The following PRRC2C variants were observed in gnomAD, a reference collection of about 807,000 sequenced individuals.
PRRC2C encodes the protein proline rich coiled-coil 2C, also known as protein PRRC2C.
PRRC2C carries 72 observed loss-of-function variants against 317.2 expected under a neutral mutation model. The observed-to-expected ratio is 0.23, with a 90% CI of 0.19 to 0.28. The LOEUF (loss-of-function observed/expected upper bound fraction) is 0.28, where lower values mean the gene tolerates loss of function less well. Among genes scored for constraint, PRRC2C ranks in the 10% least tolerant of loss-of-function variants. The probability of loss-of-function intolerance (pLI) is 1.00; values close to 1 mark genes in which losing one functional copy is unlikely to be tolerated. For synonymous variants in PRRC2C, 1,296 were observed against 1,205.9 expected (o/e 1.07, Z -1.55); for missense variants, 3,074 against 3,459.7 (o/e 0.89, Z 2.80).
chr1:171,562,022 C>T (rs1310027172), intron 20 of PRRC2C, among the ~76,000 whole-genome samples: 3 of 152,132 alleles, frequency 2.0e-5, no homozygotes, highest in East Asian at 3.9e-4. Flanking sequence ...ACATCGTGAT[C>T]AGCACTGTGG....
At chr1:171,565,231 T>C (rs960515222) in intron 20 of PRRC2C, among the ~76,000 whole-genome samples, 1 of 152,200 alleles carries the variant, frequency 6.6e-6, no homozygotes, top group Admixed American at 6.5e-5. Flanking sequence ...CTCTTTCCAC[T>C]GATCTTGTCT....
At position 171,536,195 on chromosome 1, in the gene PRRC2C, C is replaced by A; in HGVS notation, c.2210C>A (p.Pro737Gln). Residue 737 changes from proline to glutamine, a missense_variant, in exon 14 of 35, where the codon CCA becomes CAA. Coordinates refer to ENST00000647382, the MANE Select transcript of PRRC2C (RefSeq NM_001387844.1). ...PQHLASMGFD[P>Q]RWLMMQSYMD... ...CATTTGGCTTCTATGGGTTTTGATC[C>A]AAGGTGGCTCATGATGCAGTCCTAC... 6.2e-7 allele frequency: 1 copy of A among 1,613,254 alleles called. No homozygotes were observed. The highest frequency in any genetic ancestry group is 1.1e-5 in the South Asian group (1 of 90,832).
chr1:171,511,405 ACTT>A (rs1353469127), intron 1 of PRRC2C: 1 of 152,214 alleles, frequency 6.6e-6, no homozygotes, highest in Admixed American at 6.5e-5. Flanking sequence ...ATTTCTAACA[ACTT>A]CTCATATGTA....
intron 17 of PRRC2C, 128 bp downstream of exon 17, chr1:171,545,815 A>C (rs1034570780): frequency 3.4e-6 from 2 of 589,242 alleles, no homozygotes; most frequent in African/African-American, 4.0e-5. Flanking sequence ...TTGGACATTC[A>C]AGGTATACAT....
chr1:171,589,742 TC>T (rs1650936057), intron 34 of PRRC2C, 137 bp downstream of exon 34: 1 of 437,020 alleles, frequency 2.3e-6, no homozygotes, highest in Non-Finnish European at 3.6e-6. Flanking sequence ...TTTTATTCAT[TC>T]CCCCTTTTTT....
At chr1:171,562,946 G>A (rs532670158) in intron 20 of PRRC2C, among the ~76,000 whole-genome samples, 1 of 152,302 alleles carries the variant, frequency 6.6e-6, no homozygotes, top group South Asian at 2.1e-4. Flanking sequence ...GAGAAGCTAA[G>A]TGATTAGAGA....
intron 2 of PRRC2C, chr1:171,512,470 A>G (rs1345331192): frequency 5.7e-6 from 2 of 351,330 alleles, no homozygotes; most frequent in South Asian, 2.4e-5. Context: ...TAAAGGGGAA[A>G]CTCAGTCAAT....
chr1:171,555,151 T>G (rs1681113361), intron 18 of PRRC2C, among the ~76,000 whole-genome samples: 1 of 152,176 alleles, frequency 6.6e-6, no homozygotes, highest in African/African-American at 2.4e-5. Context: ...CTTGGAGGCT[T>G]TGTTCGTTTC....
At position 171,592,241 on chromosome 1, in the gene PRRC2C, C is replaced by G. The variant is rs1488493586; in HGVS notation, c.*394C>G. On this transcript the variant is annotated 3_prime_UTR_variant, in exon 35 of 35. Coordinates refer to ENST00000647382, the MANE Select transcript of PRRC2C (RefSeq NM_001387844.1). ...AGCCTGAACAGTGTGATGGTCCCAG[C>G]TACTACATCAGATGCGGTTTTTTTG... is the stretch of plus-strand genomic sequence containing the variant. 2 of 163,054 alleles carry G rather than the reference C, an allele frequency of 1.2e-5. No individual in the cohort carries two copies. The highest frequency in any genetic ancestry group is 4.8e-5 in the African/African-American group (2 of 41,772). The allele number at this position is 163,054 out of a possible 1,614,324, so 10.1% of individuals were successfully genotyped here.
chr1:171,566,675 A>G lies in PRRC2C; in HGVS notation c.6390A>G (p.Val2130=). 6.2e-7 allele frequency: 1 copy of G among 1,612,232 alleles called. No homozygotes were observed. Among genetic ancestry groups the G allele is most frequent in the Middle Eastern group, 1.7e-4 (1 of 6,060 alleles). The change falls in exon 22 of 35, where the codon GTA becomes GTG. Residue 2130 remains valine (V), a synonymous_variant. Coordinates refer to ENST00000647382, the MANE Select transcript of PRRC2C (RefSeq NM_001387844.1). ...AACGTTCATTAAAAAATAGAAAAGT[A>G]AAAGATGCCCAACAGGTGGAGCCAG... ...GKERSLKNRK[V]KDAQQVEPEG...
At chr1:171,591,373 G>GTTTTTT in intron 34 of PRRC2C, 5 of 267,982 alleles carry the variant, frequency 1.9e-5, no homozygotes, top group East Asian at 9.7e-5. Context: ...TGGTCCTGTG[G>GTTTTTT]TTTTTTTTTT....
intron 6 of PRRC2C, 83 bp from the exon 7 acceptor site, chr1:171,522,094 A>T: frequency 1.8e-6 from 1 of 560,220 alleles, no homozygotes. Context: ...CTTCAGGCCT[A>T]GGCTCAGATT....
At chr1:171,515,625 A>T in intron 4 of PRRC2C, 109 bp from the exon 5 acceptor site, 1 of 946,012 alleles carries the variant, frequency 1.1e-6, no homozygotes. Context: ...CATCACTGAA[A>T]TGTGGAATAA....
At chr1:171,511,379 T>A (rs1247145074) in intron 1 of PRRC2C, 6 of 152,174 alleles carry the variant, frequency 3.9e-5, no homozygotes, top group Admixed American at 2.0e-4. Flanking sequence ...TTTGAATGCT[T>A]ATGAAAATGT....
At chr1:171,544,038 T>A (rs1557966220) in intron 16 of PRRC2C, among the ~76,000 whole-genome samples, 1 of 152,170 alleles carries the variant, frequency 6.6e-6, no homozygotes, top group Non-Finnish European at 1.5e-5. Flanking sequence ...CCTCATGACA[T>A]AATCACCTTC....
chr1:171,568,661 A>C lies in PRRC2C; in HGVS notation c.6651+322A>C, dbSNP rs1025190523. Among the ~76,000 whole-genome samples, 4 of 152,208 alleles carry C rather than the reference A, an allele frequency of 2.6e-5. No homozygotes were observed. The South Asian group carries it at 8.3e-4, about 32-fold the overall frequency. On this transcript the variant is annotated intron_variant, in intron 23 of 34. Coordinates refer to ENST00000647382, the MANE Select transcript of PRRC2C (RefSeq NM_001387844.1). The stretch of plus-strand genomic sequence containing the variant: ...TAGCTCTCACATTTACAAATTTAAC[A>C]TGAACGGTTGGTGATTTTGTTCTTA...
chr1:171,535,558 G>A lies in PRRC2C; in HGVS notation c.2004G>A (p.Gln668=), dbSNP rs1176099222. 1.9e-6 allele frequency: 3 copies of A among 1,613,860 alleles called. No homozygotes were observed. Among genetic ancestry groups the A allele is most frequent in the Non-Finnish European group, 1.7e-6 (2 of 1,179,882 alleles). ...CTGTATTATCTGGCTATTTCAAACA[G>A]TTTCAGAAGTCTTTACCTCCACGAT... The part of the protein sequence containing the change: ...RPAVLSGYFK[Q]FQKSLPPRFQ... The change falls in exon 13 of 35, where the codon CAG becomes CAA. Residue 668 remains glutamine (Q), a synonymous_variant. Coordinates refer to ENST00000647382, the MANE Select transcript of PRRC2C (RefSeq NM_001387844.1).
chr1:171,548,249 G>A (rs1434737274), intron 17 of PRRC2C, among the ~76,000 whole-genome samples: 4 of 152,056 alleles, frequency 2.6e-5, no homozygotes, highest in Admixed American at 2.0e-4. Flanking sequence ...GATTACAGGT[G>A]TGAACCACCA....
Position 171,540,822 on chromosome 1 carries a change from C to G in PRRC2C, c.3356C>G (p.Pro1119Arg), listed in dbSNP as rs1476634373. 1 of 1,613,676 alleles carries G rather than the reference C, an allele frequency of 6.2e-7. No homozygotes were observed. The highest frequency in any genetic ancestry group is 1.3e-5 in the African/African-American group (1 of 74,864). ...CCTGTGAGTACTGTTCAGGTAGAGC[C>G]TGCAGTTAAGACTGTAAACCAACAG... ...LEPVSTVQVE[P>R]AVKTVNQQTM... The change falls in exon 16 of 35, where the codon CCT (proline) becomes CGT (arginine). Residue 1119 changes from proline (P) to arginine (R), a missense_variant. Physicochemically the swap from Pro to Arg is moderately radical, Grantham distance 103. Coordinates refer to ENST00000647382, the MANE Select transcript of PRRC2C (RefSeq NM_001387844.1).
Sources: allele counts gnomAD v4.1 joint callset (sites outside exome capture counted in the v4.1 genomes callset), GRCh38; gene constraint gnomAD v4.1.1; transcripts MANE v1.5; gene names NCBI Gene and HGNC (gene_info 2026-07-23, HGNC 2026-07-21).